AK8: variants seen among roughly 807,000 people sequenced by gnomAD.
The protein encoded by AK8 is ATP-AMP transphosphorylase 8.
A neutral mutation model predicts 54.6 loss-of-function variants in AK8; 44 were observed. The ratio of observed to expected loss-of-function variants is 0.81; its 90% confidence interval spans 0.63 to 1.04. AK8 has a LOEUF of 1.04. Among genes scored for constraint, AK8 ranks in the 50% least tolerant of loss-of-function variants. AK8 has a pLI of 0.00. For synonymous variants in AK8, 239 were observed against 245.6 expected (o/e 0.97, Z 0.25); for missense variants, 555 against 613.6 (o/e 0.90, Z 1.01).
intron 11 of AK8, among the ~76,000 whole-genome samples, chr9:132,739,531 T>G (rs1016059438): frequency 6.7e-6 from 1 of 149,554 alleles, no homozygotes; most frequent in Non-Finnish European, 1.5e-5. Flanking sequence ...TTTAAAAAAC[T>G]TTTTACAACA....
intron 11 of AK8, among the ~76,000 whole-genome samples, chr9:132,764,928 A>G (rs1427405634): frequency 6.6e-6 from 1 of 152,228 alleles, no homozygotes; most frequent in Admixed American, 6.5e-5. Flanking sequence ...ATAGGCCAAC[A>G]TCCTTGATGG....
intron 8 of AK8, among the ~76,000 whole-genome samples, chr9:132,824,954 A>G (rs919747124): frequency 6.6e-6 from 1 of 152,216 alleles, no homozygotes; most frequent in Admixed American, 6.5e-5. Flanking sequence ...CAGATGAGCC[A>G]ATTAGGCTGA....
At chr9:132,840,018 A>T (rs1247042668) in intron 5 of AK8, among the ~76,000 whole-genome samples, 2 of 151,960 alleles carry the variant, frequency 1.3e-5, no homozygotes, top group African/African-American at 4.8e-5. Flanking sequence ...GGGTTTCACC[A>T]TGTTGCCCAG....
rs758481156 is a variant in AK8 at position 132,725,931 on chromosome 9, AG to A, written c.1203-7del. ...GCTTGTACATGAGGTGGTACCTGCA[AG>A]GGAGGAAGGAAAGCAGGTGACCCAT... On this transcript the variant is annotated splice_region_variant and splice_polypyrimidine_tract_variant and intron_variant, in intron 12 of 12. Transcript: ENST00000298545. 6.2e-7 allele frequency: 1 copy of A among 1,607,852 alleles called. No homozygotes were observed. Among genetic ancestry groups the A allele is most frequent in the Non-Finnish European group, 8.5e-7 (1 of 1,176,910 alleles).
intron 10 of AK8, among the ~76,000 whole-genome samples, chr9:132,810,698 G>A (rs565197249): frequency 4.6e-5 from 7 of 152,264 alleles, no homozygotes; most frequent in East Asian, 1.9e-4. Flanking sequence ...CCAGGAGGCC[G>A]AGTGCTCCGT....
In AK8 at chr9:132,848,034, T is replaced by C. The variant is rs1842817936; in HGVS notation, c.402+6823A>G. On this transcript the variant is annotated intron_variant, in intron 5 of 12. Transcript: ENST00000298545. Reference sequence around the variant, plus strand: ...AGGAAGCGGAGGTGGGAGGATTGCTTGAGCCCAGGAGGTTGGGGCTGCAGC... The same window carrying C: ...AGGAAGCGGAGGTGGGAGGATTGCTCGAGCCCAGGAGGTTGGGGCTGCAGC... 2.7e-5 allele frequency among the ~76,000 whole-genome samples: 4 copies of C among 146,504 alleles called. No homozygotes were observed. In the Admixed American group the frequency reaches 2.9e-4, roughly 11 times the overall value.
chr9:132,793,656 C>T (rs74541369), intron 10 of AK8, among the ~76,000 whole-genome samples: 4,629 of 152,330 alleles, frequency 0.03, 127 homozygotes, highest in Middle Eastern at 0.071. Context: ...TGAGAAGCCT[C>T]TTGTTTACAT....
At chr9:132,792,478 C>T (rs73546989) in intron 11 of AK8, among the ~76,000 whole-genome samples, 156 bp downstream of exon 11, 2,960 of 152,314 alleles carry the variant, frequency 0.019, 89 homozygotes, top group African/African-American at 0.065. Flanking sequence ...CCTAGTCCAC[C>T]GGGCAGATGG....
chr9:132,869,689 T>C (rs2809240), intron 2 of AK8, among the ~76,000 whole-genome samples: 103,256 of 152,178 alleles, frequency 0.68, 35,458 homozygotes, highest in South Asian at 0.81. Context: ...CCATAGGATA[T>C]AGTGTGGAAA....
At chr9:132,872,890 C>T (rs1275375549) in intron 2 of AK8, among the ~76,000 whole-genome samples, 1 of 152,232 alleles carries the variant, frequency 6.6e-6, no homozygotes, top group East Asian at 1.9e-4. Flanking sequence ...CTACTCATTG[C>T]AAGCTCCGCC....
Position 132,828,684 on chromosome 9 carries a change from G to A in AK8, c.445C>T (p.Leu149=). 1 of 1,612,942 alleles carries A rather than the reference G, an allele frequency of 6.2e-7. No homozygotes were observed. Among genetic ancestry groups the A allele is most frequent in the Non-Finnish European group, 8.5e-7 (1 of 1,179,332 alleles). ...GTGATCCCCAGGGTCTGGATCCTCA[G>A]AGCCTGCTCACGCGTCTCAGGGATG... ...DGIPETREQA[L]RIQTLGITPR... The change falls in exon 6 of 13, where the codon CTG becomes TTG. Residue 149 remains leucine (L), a synonymous_variant. Coordinates refer to ENST00000298545, the MANE Select transcript of AK8 (RefSeq NM_152572.3).
intron 11 of AK8, chr9:132,769,397 T>C (rs1311571057): frequency 6.6e-6 from 1 of 152,102 alleles, no homozygotes; most frequent in Non-Finnish European, 1.5e-5. Context: ...CTGGGGAAAG[T>C]GGGGGCCTCT....
intron 11 of AK8, among the ~76,000 whole-genome samples, chr9:132,772,090 T>TC (rs1397782228): frequency 6.6e-6 from 1 of 152,136 alleles, no homozygotes; most frequent in Non-Finnish European, 1.5e-5. Flanking sequence ...ACCAGGTCCC[T>TC]CCCACAACAC....
At position 132,858,923 on chromosome 9, in the gene AK8, T is replaced by G. The variant is rs144933790; in HGVS notation, c.334-3998A>C. On this transcript the variant is annotated intron_variant, in intron 4 of 12. Transcript: ENST00000298545. ...GGACTGGATGAAGGCCAGGAAATTT[T>G]CACAGGAGTGACGGAGCCTGGTGCT... Among the ~76,000 whole-genome samples the G allele has an allele frequency of 1.4e-4, 21 of 152,244 alleles. No homozygotes were observed. The East Asian group carries it at 4.1e-3, about 29-fold the overall frequency.
At chr9:132,814,808 C>T (rs970802961) in intron 9 of AK8, 81 bp from the exon 10 acceptor site, 3 of 1,226,342 alleles carry the variant, frequency 2.4e-6, no homozygotes, top group African/African-American at 3.1e-5. Flanking sequence ...CCCAGTGCTG[C>T]CTGCTGAGGG....
At position 132,791,364 on chromosome 9, in the gene AK8, CAT is replaced by C. The variant is rs986627758; in HGVS notation, c.1121+1268_1121+1269del. 3.3e-5 allele frequency among the ~76,000 whole-genome samples: 5 copies of C among 152,174 alleles called. No homozygotes were observed. Among genetic ancestry groups the C allele is most frequent in the African/African-American group, 9.7e-5 (4 of 41,442 alleles). ...CACCTCTCACCAGGTCCCTCCCTAA[CAT>C]GTGGGGATTATAGTTCAAGATGAGA... On this transcript the variant is annotated intron_variant, in intron 11 of 12. Coordinates refer to ENST00000298545, the MANE Select transcript of AK8 (RefSeq NM_152572.3). The surrounding 1 kb of genome is among the most constrained non-coding windows in gnomAD (Gnocchi z 4.0).
intron 6 of AK8, 45 bp from the exon 7 acceptor site, chr9:132,828,129 G>A (rs753293837): frequency 1.1e-5 from 16 of 1,523,142 alleles, no homozygotes; most frequent in South Asian, 2.4e-5. Flanking sequence ...GTCGGGCAGC[G>A]GGTGCCACAC....
intron 3 of AK8, among the ~76,000 whole-genome samples, chr9:132,866,024 C>A (rs929779157): frequency 1.3e-5 from 2 of 151,552 alleles, no homozygotes; most frequent in South Asian, 4.2e-4. Context: ...ATGGTGAAGC[C>A]CCATCTCTAC....
At chr9:132,858,927 AG>A (rs1387116171) in intron 4 of AK8, among the ~76,000 whole-genome samples, 1 of 152,216 alleles carries the variant, frequency 6.6e-6, no homozygotes, top group Non-Finnish European at 1.5e-5. Flanking sequence ...AAATTTTCAC[AG>A]GAGTGACGGA....
Sources: gnomAD v4.1 joint callset for allele counts (sites outside exome capture counted in the v4.1 genomes callset) on GRCh38, gnomAD v4.1.1 for gene constraint, Gnocchi (gnomAD v3.1) non-coding constraint, MANE v1.5 for transcripts, NCBI Gene and HGNC (gene_info 2026-07-23, HGNC 2026-07-21) for gene names.